NAALADL2: variants seen among roughly 807,000 people sequenced by gnomAD.
NAALADL2 encodes the protein N-acetylated alpha-linked acidic dipeptidase like 2.
A neutral mutation model predicts 87.2 loss-of-function variants in NAALADL2; 76 were observed. That is an observed-to-expected ratio of 0.87 (90% confidence interval 0.72 to 1.05). NAALADL2 has a LOEUF of 1.05. Among genes scored for constraint, NAALADL2 ranks in the 50% least tolerant of loss-of-function variants. The pLI is 0.00. For missense variants in NAALADL2, 1,089 were observed against 945.8 expected (o/e 1.15, Z -1.99); for synonymous variants, 354 against 331.0 (o/e 1.07, Z -0.75).
intron 2 of NAALADL2, among the ~76,000 whole-genome samples, chr3:175,157,647 C>G (rs964762382): frequency 6.6e-6 from 1 of 152,082 alleles, no homozygotes; most frequent in Non-Finnish European, 1.5e-5. Flanking sequence ...CTGTCACTTA[C>G]CATCTATATA....
At chr3:174,825,635 A>G (rs188967637) in intron 3 of NAALADL2, among the ~76,000 whole-genome samples, 132 of 152,342 alleles carry the variant, frequency 8.7e-4, no homozygotes, top group African/African-American at 2.9e-3. Flanking sequence ...ACACAGAATT[A>G]CATTAATCAT....
intron 2 of NAALADL2, among the ~76,000 whole-genome samples, chr3:174,733,272 GA>G (rs141422617): frequency 6.6e-6 from 1 of 152,032 alleles, no homozygotes; most frequent in Admixed American, 6.6e-5. Context: ...GCAACCTGAG[GA>G]AAAAAATCAC....
At chr3:175,529,409 A>G (rs1733817769) in intron 9 of NAALADL2, among the ~76,000 whole-genome samples, 1 of 152,130 alleles carries the variant, frequency 6.6e-6, no homozygotes, top group African/African-American at 2.4e-5. Context: ...GGAAGCAAAC[A>G]GTTTACTAGT....
chr3:174,806,454 A>G (rs1412729086), intron 3 of NAALADL2, among the ~76,000 whole-genome samples: 2 of 152,318 alleles, frequency 1.3e-5, no homozygotes, highest in Non-Finnish European at 2.9e-5. Context: ...CTTGAGCCTA[A>G]TCACTGAAGA....
At chr3:174,498,204 C>T (rs1340281840) in intron 1 of NAALADL2, among the ~76,000 whole-genome samples, 12 of 152,098 alleles carry the variant, frequency 7.9e-5, no homozygotes, top group Admixed American at 7.2e-4. Flanking sequence ...TCTTGCCCTT[C>T]CCCTAGTTCC....
chr3:175,686,296 T>C (rs1002462279), intron 11 of NAALADL2, among the ~76,000 whole-genome samples: 3 of 152,198 alleles, frequency 2.0e-5, no homozygotes, highest in Admixed American at 6.5e-5. Flanking sequence ...GAAGAATAAC[T>C]TTTATGCATT....
chr3:175,164,369 A>G (rs774953664), intron 2 of NAALADL2, among the ~76,000 whole-genome samples: 16 of 151,978 alleles, frequency 1.1e-4, no homozygotes, highest in African/African-American at 3.9e-4. Flanking sequence ...CTTATCACAT[A>G]TTATTCTAGT....
chr3:175,666,355 T>C (rs571715221), intron 11 of NAALADL2, among the ~76,000 whole-genome samples: 13 of 152,296 alleles, frequency 8.5e-5, no homozygotes, highest in African/African-American at 3.1e-4. Flanking sequence ...CTTTATAGAA[T>C]AACAAGCTTT....
intron 4 of NAALADL2, among the ~76,000 whole-genome samples, chr3:175,320,474 G>A (rs1759711152): frequency 6.6e-6 from 1 of 152,124 alleles, no homozygotes. Context: ...TGCTATATCT[G>A]GGAGGTCTGG....
intron 2 of NAALADL2, among the ~76,000 whole-genome samples, chr3:175,103,093 C>T (rs1020281549): frequency 3.1e-5 from 4 of 129,408 alleles, no homozygotes; most frequent in African/African-American, 6.2e-5. Context: ...AACGGCAGAG[C>T]GAGACTCCGT....
At chr3:175,233,383 C>T (rs531495008) in intron 2 of NAALADL2, among the ~76,000 whole-genome samples, 1 of 152,228 alleles carries the variant, frequency 6.6e-6, no homozygotes, top group African/African-American at 2.4e-5. Flanking sequence ...GCATTAATAT[C>T]ACTCTTCTCT....
chr3:175,300,787 ATTTTAT>A (rs201053514), intron 4 of NAALADL2, among the ~76,000 whole-genome samples: 5,648 of 112,742 alleles, frequency 0.05, 145 homozygotes, highest in East Asian at 0.14. Flanking sequence ...TTATTTATTT[ATTTTAT>A]TTTATTTTAT....
chr3:174,829,707 G>T (rs1260798470), intron 3 of NAALADL2, among the ~76,000 whole-genome samples: 7 of 142,940 alleles, frequency 4.9e-5, no homozygotes, highest in Non-Finnish European at 9.2e-5. Context: ...TTCCACAATG[G>T]TTGAACTAGT....
At chr3:175,283,866 C>G (rs1377018247) in intron 4 of NAALADL2, among the ~76,000 whole-genome samples, 1 of 151,980 alleles carries the variant, frequency 6.6e-6, no homozygotes, top group Admixed American at 6.6e-5. Context: ...ATCTCTATAC[C>G]AAACGTTCTA....
At chr3:174,765,643 T>TATTTATTTTTTGAATACAGG (rs1170972644) in intron 3 of NAALADL2, among the ~76,000 whole-genome samples, 1 of 152,238 alleles carries the variant, frequency 6.6e-6, no homozygotes, top group African/African-American at 2.4e-5. Context: ...GAATCCTTGT[T>TATTTATTTTTTGAATACAGG]ATTTATTTTT....
intron 8 of NAALADL2, among the ~76,000 whole-genome samples, chr3:175,470,296 G>A (rs530349095): frequency 6.6e-6 from 1 of 151,998 alleles, no homozygotes; most frequent in African/African-American, 2.4e-5. Flanking sequence ...GTGTGGCATG[G>A]TGAATATACT....
intron 4 of NAALADL2, among the ~76,000 whole-genome samples, chr3:175,277,670 GTC>G (rs1336499191): frequency 1.3e-5 from 2 of 151,894 alleles, no homozygotes; most frequent in African/African-American, 4.8e-5. Context: ...AGACCATTTG[GTC>G]TTTACTGATC....
At chr3:175,673,804 CA>C (rs1386254511) in intron 11 of NAALADL2, among the ~76,000 whole-genome samples, 5 of 152,088 alleles carry the variant, frequency 3.3e-5, no homozygotes, top group Admixed American at 3.3e-4. Context: ...AAAAGTTAAA[CA>C]AATCCCAACT....
In NAALADL2 at chr3:175,804,601, C is replaced by G. The variant is rs1754543204; in HGVS notation, c.*1398C>G. The G allele has an allele frequency of 6.6e-6, 1 of 151,766 alleles. No individual in the cohort carries two copies. The highest frequency in any genetic ancestry group is 2.1e-4 in the South Asian group (1 of 4,830). 9.4% of individuals were successfully genotyped at this position (151,766 alleles called of 1,614,324 possible). A position where few individuals can be genotyped will look rare whatever the true frequency, so the allele number is the denominator to read the frequency against. ...CCTCAGAGTATTTCATATAAATTTT[C>G]TCTATCTAATTCAAACATATCTCCC... On this transcript the variant is annotated 3_prime_UTR_variant, in exon 14 of 14. Transcript: ENST00000454872.
Sources: gnomAD v4.1 joint callset for allele counts (sites outside exome capture counted in the v4.1 genomes callset) on GRCh38, gnomAD v4.1.1 for gene constraint, MANE v1.5 for transcripts, NCBI Gene and HGNC (gene_info 2026-07-23, HGNC 2026-07-21) for gene names.